SCN11A: variants seen among roughly 807,000 people sequenced by gnomAD.
SCN11A encodes sodium channel protein type 11 subunit alpha.
SCN11A carries 122 observed loss-of-function variants against 162.2 expected under a neutral mutation model. The ratio of observed to expected loss-of-function variants is 0.75; its 90% CI spans 0.65 to 0.87. SCN11A has a LOEUF of 0.87. Ranked by LOEUF, SCN11A falls within the 40% of genes least tolerant of loss-of-function variation. SCN11A has a pLI of 0.00. For synonymous variants in SCN11A, 758 were observed against 751.5 expected, an observed-to-expected ratio of 1.01 and a Z score of -0.14; for missense variants, 2,015 against 2,181.6, an observed-to-expected ratio of 0.92 and a Z score of 1.52.
In SCN11A at chr3:38,921,086, C is replaced by T. The variant is rs761791422; in HGVS notation, c.882G>A (p.Pro294=). 34 of 1,613,800 alleles carry T rather than the reference C, an allele frequency of 2.1e-5. No homozygotes were observed. The highest frequency in any genetic ancestry group is 1.8e-4 in the East Asian group (8 of 44,898). The stretch of plus-strand genomic sequence containing the variant: ...AGGTTGGGTATTTACCATAAGCTTC[C>T]GGGTTACTGATATTTTTACAGTCCC... The part of the protein sequence containing the change: ...ISRDCKNISN[P]EAYDHCFEKK... The change falls in exon 10 of 30, where the codon CCG becomes CCA. Residue 294 remains proline (P), a synonymous_variant. Transcript: ENST00000302328.
At chr3:39,049,115 G>A (rs1266790134) in intron 1 of SCN11A, among the ~76,000 whole-genome samples, 1 of 152,246 alleles carries the variant, frequency 6.6e-6, no homozygotes, top group Non-Finnish European at 1.5e-5. Context: ...TGGTTAAACA[G>A]CAATAGATAA....
intron 5 of SCN11A, among the ~76,000 whole-genome samples, chr3:38,949,690 C>T (rs899817477): frequency 2.0e-5 from 3 of 152,252 alleles, no homozygotes; most frequent in Middle Eastern, 6.8e-3. Flanking sequence ...AAGGTAGGAA[C>T]ATCAGGCATT....
intron 2 of SCN11A, among the ~76,000 whole-genome samples, chr3:39,011,587 T>G (rs753474093): frequency 6.6e-6 from 1 of 152,236 alleles, no homozygotes; most frequent in Non-Finnish European, 1.5e-5. Context: ...GATATTATCT[T>G]TAGTTTCTAT....
intron 2 of SCN11A, among the ~76,000 whole-genome samples, chr3:39,017,861 T>C (rs2031340488): frequency 6.6e-6 from 1 of 152,258 alleles, no homozygotes; most frequent in Non-Finnish European, 1.5e-5. Context: ...TGGGTCATAT[T>C]TTCCTACTCC....
At chr3:38,907,217 G>A (rs1032764435) in intron 14 of SCN11A, among the ~76,000 whole-genome samples, 1 of 151,482 alleles carries the variant, frequency 6.6e-6, no homozygotes, top group African/African-American at 2.4e-5. Context: ...TTAGTGCACA[G>A]CAAGTAGGAA....
At chr3:38,969,364 T>G (rs1013437445) in intron 2 of SCN11A, among the ~76,000 whole-genome samples, 2 of 152,204 alleles carry the variant, frequency 1.3e-5, no homozygotes, top group Non-Finnish European at 1.5e-5. Flanking sequence ...AGAAAAATCT[T>G]AAAGGGGCAG....
chr3:38,937,489 T>C (rs947265182), intron 7 of SCN11A, among the ~76,000 whole-genome samples: 9 of 151,282 alleles, frequency 5.9e-5, no homozygotes, highest in Non-Finnish European at 1.0e-4. Flanking sequence ...AAAGGGCTAA[T>C]ATCCAGAATC....
chr3:38,875,002 C>T (rs1434675227), intron 23 of SCN11A, among the ~76,000 whole-genome samples: 1 of 152,052 alleles, frequency 6.6e-6, no homozygotes, highest in East Asian at 1.9e-4. Context: ...TGTTCACATA[C>T]ATTCTCTCAT....
intron 2 of SCN11A, among the ~76,000 whole-genome samples, chr3:38,993,502 G>A (rs967410767): frequency 1.3e-5 from 2 of 152,102 alleles, no homozygotes; most frequent in African/African-American, 2.4e-5. Context: ...TAAACAGGAC[G>A]GAAATTGGTT....
At chr3:38,938,507 ATCATATATATATATAT>A (rs2066373960) in intron 7 of SCN11A, among the ~76,000 whole-genome samples, 3 of 105,858 alleles carry the variant, frequency 2.8e-5, no homozygotes, top group African/African-American at 1.1e-4. Flanking sequence ...AAGGAAAAAT[ATCATATATATATATAT>A]ATATATATAT....
intron 2 of SCN11A, among the ~76,000 whole-genome samples, chr3:38,987,014 C>T (rs1474535879): frequency 2.6e-5 from 4 of 152,194 alleles, no homozygotes; most frequent in African/African-American, 9.7e-5. Flanking sequence ...AGTAGAGACA[C>T]ATCCCATTGA....
At chr3:39,051,738 A>G (rs1252562362) in intron 1 of SCN11A, among the ~76,000 whole-genome samples, 123 bp downstream of exon 1, 1 of 152,038 alleles carries the variant, frequency 6.6e-6, no homozygotes, top group East Asian at 1.9e-4. Flanking sequence ...GGCGCGGAAA[A>G]GAGCGCAAGC....
chr3:39,018,662 C>CA, intron 2 of SCN11A, among the ~76,000 whole-genome samples: 1 of 152,004 alleles, frequency 6.6e-6, no homozygotes, highest in African/African-American at 2.4e-5. Flanking sequence ...ATTAAAAATA[C>CA]AAAAAATTAG....
At position 38,882,730 on chromosome 3, in the gene SCN11A, A is replaced by T. The variant is rs1292680580; in HGVS notation, c.3219+503T>A. Among the ~76,000 whole-genome samples, 3 of 152,272 alleles carry T rather than the reference A, an allele frequency of 2.0e-5. No homozygotes were observed. The East Asian group carries it at 5.8e-4, about 29-fold the overall frequency. On this transcript the variant is annotated intron_variant, in intron 22 of 29. Coordinates refer to ENST00000302328, the MANE Select transcript of SCN11A (RefSeq NM_001349253.2). ...GACTCATACCACACTTTGACCATGC[A>T]TATAAAGCAACATCTCCTTGTCCTT...
At chr3:38,955,095 C>T (rs1183184361) in intron 3 of SCN11A, among the ~76,000 whole-genome samples, 2 of 152,182 alleles carry the variant, frequency 1.3e-5, no homozygotes, top group Non-Finnish European at 2.9e-5. Flanking sequence ...TTGAGACCAG[C>T]CTGGCCAACA....
intron 7 of SCN11A, among the ~76,000 whole-genome samples, chr3:38,928,690 A>G (rs1317344087): frequency 6.6e-6 from 1 of 152,246 alleles, no homozygotes; most frequent in East Asian, 1.9e-4. Flanking sequence ...AAGATGCTCA[A>G]CATCACTAAC....
chr3:38,986,900 CTG>C (rs2125592578), intron 2 of SCN11A, among the ~76,000 whole-genome samples: 2 of 152,284 alleles, frequency 1.3e-5, no homozygotes, highest in East Asian at 3.9e-4. Context: ...CATTTTCCAG[CTG>C]TGAGACCACT....
intron 23 of SCN11A, among the ~76,000 whole-genome samples, chr3:38,873,495 A>G (rs1559499523): frequency 2.0e-5 from 3 of 152,212 alleles, no homozygotes; most frequent in Non-Finnish European, 4.4e-5. Context: ...TTTGTTTACA[A>G]TGGCACCACT....
intron 27 of SCN11A, among the ~76,000 whole-genome samples, chr3:38,866,168 T>C (rs1047546484): frequency 1.3e-5 from 2 of 152,046 alleles, no homozygotes; most frequent in African/African-American, 2.4e-5. Flanking sequence ...AATTATGGTC[T>C]ATCCATAATA....
Sources: allele counts gnomAD v4.1 joint callset (sites outside exome capture counted in the v4.1 genomes callset), GRCh38; gene constraint gnomAD v4.1.1; transcripts MANE v1.5; gene names NCBI Gene and HGNC (gene_info 2026-07-23, HGNC 2026-07-21).